Variants in CSMD1 observed in about 807,000 individuals in gnomAD.
CSMD1 encodes CUB and sushi domain-containing protein 1.
CSMD1 carries 213 observed loss-of-function variants against 417.5 expected under a neutral mutation model. That is an observed-to-expected ratio of 0.51 (90% confidence interval 0.46 to 0.57). The LOEUF is 0.57. CSMD1 is among the 20% of genes least tolerant of loss of function. The probability of loss-of-function intolerance (pLI) is 0.00; values close to 1 mark genes in which losing one functional copy is unlikely to be tolerated. For missense variants in CSMD1, 6,923 were observed against 4,529.7 expected (o/e 1.53, Z -15.17); for synonymous variants, 2,862 against 1,736.8 (o/e 1.65, Z -16.11).
At chr8:3,660,801 G>C (rs572530574) in intron 7 of CSMD1, among the ~76,000 whole-genome samples, 1 of 152,112 alleles carries the variant, frequency 6.6e-6, no homozygotes, top group East Asian at 1.9e-4. Flanking sequence ...AATCACAGGC[G>C]TGAGCCACCC....
intron 1 of CSMD1, among the ~76,000 whole-genome samples, chr8:4,991,152 G>A (rs764198961): frequency 3.9e-5 from 6 of 152,138 alleles, no homozygotes; most frequent in Non-Finnish European, 8.8e-5. Context: ...ACAGCCAGTA[G>A]ATCAGCCCCG....
At chr8:3,960,420 G>T (rs536395060) in intron 5 of CSMD1, among the ~76,000 whole-genome samples, 1 of 152,068 alleles carries the variant, frequency 6.6e-6, no homozygotes, top group South Asian at 2.1e-4. Context: ...AGACTAGATA[G>T]TCCCTCAATG....
chr8:3,120,043 G>C (rs974139969), intron 41 of CSMD1, among the ~76,000 whole-genome samples: 2 of 152,182 alleles, frequency 1.3e-5, no homozygotes, highest in Non-Finnish European at 2.9e-5. Flanking sequence ...ATATTGGAGT[G>C]AGCCTGTAGT....
chr8:4,900,847 T>C (rs1250119208), intron 1 of CSMD1, among the ~76,000 whole-genome samples: 1 of 152,234 alleles, frequency 6.6e-6, no homozygotes, highest in African/African-American at 2.4e-5. Flanking sequence ...TTTCTGTCCT[T>C]ATGTAATGCA....
intron 12 of CSMD1, among the ~76,000 whole-genome samples, chr8:3,432,025 T>C (rs1452048236): frequency 6.6e-6 from 1 of 152,326 alleles, no homozygotes; most frequent in Non-Finnish European, 1.5e-5. Flanking sequence ...TTCCATGTTC[T>C]GCTAAATTTT....
At chr8:4,471,788 T>C (rs1800551316) in intron 2 of CSMD1, among the ~76,000 whole-genome samples, 1 of 151,974 alleles carries the variant, frequency 6.6e-6, no homozygotes, top group Non-Finnish European at 1.5e-5. Context: ...TGAGGAGCAA[T>C]ATATAGATGT....
chr8:4,776,383 T>C (rs964515261), intron 1 of CSMD1, among the ~76,000 whole-genome samples: 4 of 152,192 alleles, frequency 2.6e-5, no homozygotes, highest in Non-Finnish European at 2.9e-5. Flanking sequence ...CTATATCTAC[T>C]ATACGTTAAC....
intron 2 of CSMD1, among the ~76,000 whole-genome samples, chr8:4,609,952 A>G (rs948235639): frequency 6.6e-6 from 1 of 152,168 alleles, no homozygotes; most frequent in Non-Finnish European, 1.5e-5. Context: ...GCTGGCTATT[A>G]AACTACCTAA....
chr8:4,609,377 G>T (rs1801049495), intron 2 of CSMD1, among the ~76,000 whole-genome samples: 2 of 152,268 alleles, frequency 1.3e-5, no homozygotes, highest in South Asian at 4.1e-4. Context: ...CTCCAGCCTG[G>T]GTGACAGGGT....
At chr8:3,292,952 C>A (rs990611534) in intron 25 of CSMD1, among the ~76,000 whole-genome samples, 2 of 152,062 alleles carry the variant, frequency 1.3e-5, no homozygotes, top group African/African-American at 2.4e-5. Flanking sequence ...CATGATTTTG[C>A]AGTGGCTGGT....
intron 20 of CSMD1, 107 bp from the exon 21 acceptor site, chr8:3,359,447 A>C: frequency 2.5e-6 from 2 of 808,642 alleles, no homozygotes; most frequent in Non-Finnish European, 3.7e-6. Flanking sequence ...AAAAAAACCT[A>C]CATATATATT....
intron 2 of CSMD1, among the ~76,000 whole-genome samples, chr8:4,446,348 A>C (rs80252266): frequency 6.6e-6 from 1 of 152,182 alleles, no homozygotes; most frequent in Admixed American, 6.5e-5. Context: ...AGGAGTTTGA[A>C]ACCAGCCTGG....
At chr8:4,918,622 G>C (rs945377879) in intron 1 of CSMD1, among the ~76,000 whole-genome samples, 2 of 152,120 alleles carry the variant, frequency 1.3e-5, no homozygotes, top group Non-Finnish European at 2.9e-5. Flanking sequence ...GCTGAATCAC[G>C]TTACTTCAGA....
At chr8:3,482,470 G>T (rs1348900311) in intron 11 of CSMD1, among the ~76,000 whole-genome samples, 6 of 152,172 alleles carry the variant, frequency 3.9e-5, no homozygotes, top group African/African-American at 1.2e-4. Context: ...CCAGAAATAT[G>T]TAACACTCCT....
At chr8:4,526,326 GC>G (rs1468314819) in intron 2 of CSMD1, among the ~76,000 whole-genome samples, 2 of 152,178 alleles carry the variant, frequency 1.3e-5, no homozygotes, top group Admixed American at 6.5e-5. Flanking sequence ...AAATACTTTT[GC>G]AAAATACTAT....
chr8:4,335,174 G>A (rs1310527344), intron 3 of CSMD1, among the ~76,000 whole-genome samples: 1 of 152,184 alleles, frequency 6.6e-6, no homozygotes, highest in Middle Eastern at 3.4e-3. Context: ...AAGGTGCTGG[G>A]ATTACAGGTG....
chr8:3,116,748 T>C (rs1462427124), intron 42 of CSMD1, among the ~76,000 whole-genome samples: 2 of 152,186 alleles, frequency 1.3e-5, no homozygotes, highest in African/African-American at 2.4e-5. Flanking sequence ...AAATATTTAA[T>C]TGTAGTTTTT....
At chr8:4,364,078 C>G (rs1249804544) in intron 3 of CSMD1, among the ~76,000 whole-genome samples, 1 of 152,118 alleles carries the variant, frequency 6.6e-6, no homozygotes, top group Non-Finnish European at 1.5e-5. Context: ...AAGTTAAGTG[C>G]TTGAGGGAAT....
intron 5 of CSMD1, among the ~76,000 whole-genome samples, chr8:3,838,696 A>AAATT (rs375539288): frequency 0.011 from 192 of 17,170 alleles, 34 homozygotes; most frequent in African/African-American, 0.046. Flanking sequence ...AATATATAAT[A>AAATT]AATATTATAT....
Sources: allele counts gnomAD v4.1 joint callset (sites outside exome capture counted in the v4.1 genomes callset), GRCh38; gene constraint gnomAD v4.1.1; transcripts MANE v1.5; gene names NCBI Gene and HGNC (gene_info 2026-07-23, HGNC 2026-07-21).